The following TK2 variants were observed in gnomAD, a reference collection of about 807,000 sequenced individuals.
The protein encoded by TK2 is thymidine kinase 2, mitochondrial.
Under a neutral mutation model 41.9 loss-of-function variants are expected in TK2, and 35 were observed. The ratio of observed to expected loss-of-function variants is 0.84; its 90% CI spans 0.64 to 1.11. The LOEUF (loss-of-function observed/expected upper bound fraction) is 1.11. Among genes scored for constraint, TK2 ranks in the 50% least tolerant of loss-of-function variants. The pLI, the probability that TK2 is intolerant of heterozygous loss-of-function variation, is 0.00. For synonymous variants in TK2, 128 were observed against 129.1 expected (o/e 0.99, Z 0.06); for missense variants, 320 against 351.1 (o/e 0.91, Z 0.71).
chr16:66,523,698 G>T (rs891721443), intron 6 of TK2, among the ~76,000 whole-genome samples: 1 of 151,972 alleles, frequency 6.6e-6, no homozygotes, highest in Non-Finnish European at 1.5e-5. Context: ...GCGTGGTGGT[G>T]GGCGCCTGTA....
intron 6 of TK2, among the ~76,000 whole-genome samples, chr16:66,528,213 G>A (rs565162157): frequency 6.6e-6 from 1 of 152,278 alleles, no homozygotes; most frequent in East Asian, 1.9e-4. Flanking sequence ...AAGGACAGCA[G>A]TATCCCAAGC....
At chr16:66,539,402 C>A (rs1331145783) in intron 3 of TK2, among the ~76,000 whole-genome samples, 1 of 151,994 alleles carries the variant, frequency 6.6e-6, no homozygotes, top group Non-Finnish European at 1.5e-5. Flanking sequence ...AGTTTGAAAC[C>A]AGCCTGGCCA....
intron 2 of TK2, among the ~76,000 whole-genome samples, chr16:66,547,405 A>G (rs970316653): frequency 2.0e-5 from 3 of 152,168 alleles, no homozygotes; most frequent in South Asian, 2.1e-4. Context: ...TCTGGGTTTT[A>G]GGACCTATTC....
rs776120508 is a variant in TK2 at position 66,548,983 on chromosome 16, A to T, written c.151T>A (p.Ser51Thr). Residue 51 changes from serine to threonine, a missense_variant, in exon 2 of 10, where the codon TCA (serine) becomes ACA (threonine). Ser to Thr is a moderately conservative substitution (Grantham distance 58). Transcript: ENST00000544898. ...PDKEQEKEKK[S>T]VICVEGNIAS... Reference sequence around the variant, plus strand: ...CACATAAAAGAGGGACTTACCACTGATTTTTTCTCTTTTTCCTGTTCTTTA... The same window carrying T: ...CACATAAAAGAGGGACTTACCACTGTTTTTTTCTCTTTTTCCTGTTCTTTA... 3 of 1,613,506 alleles carry T rather than the reference A, an allele frequency of 1.9e-6. No homozygotes were observed. The East Asian group carries it at 6.7e-5, about 36-fold the overall frequency.
At chr16:66,531,979 G>A (rs1401695226) in intron 4 of TK2, among the ~76,000 whole-genome samples, 1 of 151,924 alleles carries the variant, frequency 6.6e-6, no homozygotes, top group Non-Finnish European at 1.5e-5. Context: ...GAAGGGAGGG[G>A]GCAAAGGTTG....
At chr16:66,533,720 T>C (rs1011929805) in intron 4 of TK2, among the ~76,000 whole-genome samples, 24 of 151,986 alleles carry the variant, frequency 1.6e-4, no homozygotes, top group African/African-American at 5.6e-4. Flanking sequence ...AAGAAATGAC[T>C]GGATCGGCCG....
At chr16:66,529,223 C>T (rs996747236) in intron 5 of TK2, among the ~76,000 whole-genome samples, 156 bp from the exon 6 acceptor site, 5 of 152,222 alleles carry the variant, frequency 3.3e-5, no homozygotes, top group African/African-American at 1.2e-4. Flanking sequence ...CCTCACTCCC[C>T]TGCCGGGAGG....
chr16:66,544,057 C>G (rs981504984), intron 2 of TK2, among the ~76,000 whole-genome samples: 2 of 152,076 alleles, frequency 1.3e-5, no homozygotes, highest in Non-Finnish European at 2.9e-5. Flanking sequence ...AGTCTTTTTT[C>G]TTTCCTGTTC....
intron 2 of TK2, among the ~76,000 whole-genome samples, chr16:66,542,910 T>C (rs138122225): frequency 0.024 from 3,608 of 152,326 alleles, 64 homozygotes; most frequent in South Asian, 0.083. Flanking sequence ...TTCACTCTTG[T>C]TGCCCAGGCT....
intron 8 of TK2, 131 bp from the exon 9 acceptor site, chr16:66,513,942 G>A (rs1964529328): frequency 1.3e-6 from 1 of 796,574 alleles, no homozygotes; most frequent in Non-Finnish European, 2.2e-6. Context: ...CCCTGCAAGA[G>A]CAAACCTGGC....
At chr16:66,532,137 A>G (rs1965134528) in intron 4 of TK2, among the ~76,000 whole-genome samples, 1 of 152,076 alleles carries the variant, frequency 6.6e-6, no homozygotes, top group Non-Finnish European at 1.5e-5. Flanking sequence ...ACCAAAAAAA[A>G]AAAAAAAAAA....
At chr16:66,548,849 T>A in intron 2 of TK2, 129 bp downstream of exon 2, 1 of 872,598 alleles carries the variant, frequency 1.1e-6, no homozygotes, top group South Asian at 1.4e-5. Context: ...GACTTCCTTC[T>A]CCCTGGAGAT....
intron 3 of TK2, among the ~76,000 whole-genome samples, chr16:66,537,585 C>T (rs937913874): frequency 3.3e-5 from 5 of 152,226 alleles, no homozygotes; most frequent in African/African-American, 1.2e-4. Flanking sequence ...AGGATGACTG[C>T]CAATCTCTCC....
intron 3 of TK2, among the ~76,000 whole-genome samples, chr16:66,537,845 A>G (rs1965334648): frequency 6.6e-6 from 1 of 152,218 alleles, no homozygotes; most frequent in African/African-American, 2.4e-5. Flanking sequence ...GACCAATGGC[A>G]GGCAATGCAT....
chr16:66,536,778 G>C (rs1298121560), intron 4 of TK2, among the ~76,000 whole-genome samples, 186 bp downstream of exon 4: 1 of 152,006 alleles, frequency 6.6e-6, no homozygotes, highest in Non-Finnish European at 1.5e-5. Context: ...CAGCCACTCA[G>C]GCCTCAGAGA....
chr16:66,508,880 T>C lies in TK2; in HGVS notation c.*3088A>G, dbSNP rs982666491. The C allele has an allele frequency of 3.3e-5, 5 of 152,220 alleles. No homozygotes were observed. Among genetic ancestry groups the C allele is most frequent in the Admixed American group, 3.3e-4 (5 of 15,282 alleles). The allele number at this position is 152,220 out of a possible 1,614,324, so 9.4% of individuals were successfully genotyped here. ...TTGTAAATTCGGTCACTCATGTTAT[T>C]GGAACAAGGATGAGGTGGTTTCATT... On this transcript the variant is annotated 3_prime_UTR_variant, in exon 10 of 10. Coordinates refer to ENST00000544898, the MANE Select transcript of TK2 (RefSeq NM_004614.5).
intron 6 of TK2, among the ~76,000 whole-genome samples, chr16:66,523,701 C>T (rs188625987): frequency 9.9e-5 from 15 of 152,108 alleles, no homozygotes; most frequent in Admixed American, 7.9e-4. Flanking sequence ...TGGTGGTGGG[C>T]GCCTGTAATC....
At chr16:66,531,045 T>C (rs1965094637) in intron 5 of TK2, among the ~76,000 whole-genome samples, 1 of 152,188 alleles carries the variant, frequency 6.6e-6, no homozygotes, top group Non-Finnish European at 1.5e-5. Context: ...TTCTAACAAG[T>C]TTCCAGGTGA....
At position 66,517,406 on chromosome 16, in the gene TK2, G is replaced by A. The variant is rs112975899; in HGVS notation, c.539-191C>T. On this transcript the variant is annotated intron_variant, in intron 7 of 9. Transcript: ENST00000544898. The surrounding 1 kb of genome is among the most constrained non-coding windows in gnomAD (Gnocchi z 4.3). The stretch of plus-strand genomic sequence containing the variant: ...TCAGTGTCAGCGGCCCCGTGGGGTC[G>A]TTTTGAGGCTGAATGGGATTCTGTT... The A allele has an allele frequency of 1.8e-3, 1,182 of 668,912 alleles. 1 individual carries two copies. The highest frequency in any genetic ancestry group is 2.2e-3 in the Non-Finnish European group (801 of 370,452). 41.4% of individuals were successfully genotyped at this position (668,912 alleles called of 1,614,324 possible). A position where few individuals can be genotyped will look rare whatever the true frequency, so the allele number is the denominator to read the frequency against.
Sources: allele counts gnomAD v4.1 joint callset (sites outside exome capture counted in the v4.1 genomes callset), GRCh38; gene constraint gnomAD v4.1.1; non-coding constraint Gnocchi (gnomAD v3.1); transcripts MANE v1.5; gene names NCBI Gene and HGNC (gene_info 2026-07-23, HGNC 2026-07-21).